The following DPYSL3 variants were observed in gnomAD, a reference collection of about 807,000 sequenced individuals.
DPYSL3 encodes dihydropyrimidinase-related protein 3.
In DPYSL3, 16 loss-of-function variants were observed where a neutral mutation model predicts 66.1. The ratio of observed to expected loss-of-function variants is 0.24; its 90% CI spans 0.16 to 0.37. DPYSL3 has a LOEUF of 0.37. Ranked by LOEUF, DPYSL3 falls within the 10% of genes least tolerant of loss-of-function variation. The pLI is 1.00. For synonymous variants in DPYSL3, 338 were observed against 345.1 expected (o/e 0.98, Z 0.23); for missense variants, 738 against 916.2 (o/e 0.81, Z 2.51).
intron 1 of DPYSL3, among the ~76,000 whole-genome samples, chr5:147,501,991 C>T (rs1753619031): frequency 6.6e-6 from 1 of 152,134 alleles, no homozygotes; most frequent in African/African-American, 2.4e-5. Context: ...TCTGCTCAGG[C>T]TGCTATAACA....
intron 1 of DPYSL3, among the ~76,000 whole-genome samples, chr5:147,452,941 TC>T (rs991723948): frequency 2.0e-5 from 3 of 146,342 alleles, no homozygotes; most frequent in Admixed American, 6.8e-5. Context: ...AGTTGATCAT[TC>T]CCACTGCAGC....
chr5:147,412,565 A>G (rs761448580), intron 6 of DPYSL3, 43 bp downstream of exon 6: 1 of 1,570,028 alleles, frequency 6.4e-7, no homozygotes, highest in South Asian at 1.1e-5. Context: ...AAGAAAATGG[A>G]ATGCAGACCC....
At position 147,509,976 on chromosome 5, in the gene DPYSL3, G is replaced by T; in HGVS notation, c.-118C>A. 3.6e-6 allele frequency: 5 copies of T among 1,401,668 alleles called. No individual in the cohort carries two copies. The South Asian group carries it at 6.0e-5, about 17-fold the overall frequency. The allele number at this position is 1,401,668 out of a possible 1,614,324, so 86.8% of individuals were successfully genotyped here. On this transcript the variant is annotated 5_prime_UTR_variant, in exon 1 of 14. Transcript: ENST00000343218. The surrounding 1 kb of genome is among the most constrained non-coding windows in gnomAD (Gnocchi z 5.3). ...CGGGAGGAGGCGCCTGAGCCTTCGC[G>T]CCAGAGGCGGCAGTGCTGCTCCGAT...
At chr5:147,456,327 C>T (rs905934526) in intron 1 of DPYSL3, among the ~76,000 whole-genome samples, 9 of 152,198 alleles carry the variant, frequency 5.9e-5, no homozygotes, top group African/African-American at 2.2e-4. Context: ...CTTGGATACA[C>T]AGCAGTGCTT....
chr5:147,463,263 A>T (rs1371092377), intron 1 of DPYSL3, among the ~76,000 whole-genome samples: 1 of 152,148 alleles, frequency 6.6e-6, no homozygotes, highest in African/African-American at 2.4e-5. Context: ...AGCTGAAAAT[A>T]GACCATGGCC....
At chr5:147,454,052 G>A (rs1194181214) in intron 1 of DPYSL3, 1 of 153,202 alleles carries the variant, frequency 6.5e-6, no homozygotes, top group Admixed American at 6.5e-5. Context: ...GGGGGCGCGA[G>A]GGGCTTTTCG....
In DPYSL3 at chr5:147,392,099, T is replaced by A. The variant is rs900158149; in HGVS notation, c.*1936A>T. The A allele has an allele frequency of 7.2e-5, 11 of 152,112 alleles. No individual in the cohort carries two copies. The highest frequency in any genetic ancestry group is 2.7e-4 in the African/African-American group (11 of 41,388). 9.4% of individuals were successfully genotyped at this position (152,112 alleles called of 1,614,324 possible). A position where few individuals can be genotyped will look rare whatever the true frequency, so the allele number is the denominator to read the frequency against. ...CAAAGTAACAGCCTAGTCAATGAGG[T>A]ATATGCTTCAGATCTGGCAAACTCT... is the stretch of plus-strand genomic sequence containing the variant. On this transcript the variant is annotated 3_prime_UTR_variant, in exon 14 of 14. Transcript: ENST00000343218.
chr5:147,506,568 G>A (rs1753687593), intron 1 of DPYSL3, among the ~76,000 whole-genome samples: 1 of 152,054 alleles, frequency 6.6e-6, no homozygotes. Flanking sequence ...AAATCAGGAT[G>A]GTAAAATGCT....
intron 1 of DPYSL3, among the ~76,000 whole-genome samples, chr5:147,494,091 G>T (rs1047931216): frequency 2.0e-5 from 3 of 152,144 alleles, no homozygotes; most frequent in Admixed American, 1.3e-4. Flanking sequence ...TACTCGGGAG[G>T]CTGAGGCAGA....
intron 1 of DPYSL3, among the ~76,000 whole-genome samples, chr5:147,436,170 G>C (rs190939028): frequency 1.3e-5 from 2 of 152,208 alleles, no homozygotes; most frequent in African/African-American, 4.8e-5. Flanking sequence ...CACCATACAC[G>C]GAGTATGGAG....
At chr5:147,440,830 A>G (rs1459088565) in intron 1 of DPYSL3, among the ~76,000 whole-genome samples, 3 of 152,204 alleles carry the variant, frequency 2.0e-5, no homozygotes, top group African/African-American at 7.2e-5. Flanking sequence ...TAACCTTCTT[A>G]AAAGGAGATA....
intron 1 of DPYSL3, among the ~76,000 whole-genome samples, chr5:147,473,812 A>G (rs1163465657): frequency 6.6e-6 from 1 of 152,122 alleles, no homozygotes; most frequent in Non-Finnish European, 1.5e-5. Flanking sequence ...ACCTTTCTGA[A>G]TTACTACATG....
intron 1 of DPYSL3, among the ~76,000 whole-genome samples, chr5:147,483,582 C>T (rs1333786748): frequency 1.3e-5 from 2 of 152,092 alleles, no homozygotes; most frequent in African/African-American, 4.8e-5. Flanking sequence ...TTTATTTATT[C>T]AAAAATTGGT....
Position 147,400,850 on chromosome 5 carries a change from G to T in DPYSL3, c.1311-17C>A. 2 of 1,612,124 alleles carry T rather than the reference G, an allele frequency of 1.2e-6. No individual in the cohort carries two copies. Among genetic ancestry groups the T allele is most frequent in the Non-Finnish European group, 1.7e-6 (2 of 1,178,772 alleles). ...AGATCCCCGCTGGCAAAGGAGAAAA[G>T]CTCCACATGAACAGGGGAGATGGCT... On this transcript the variant is annotated splice_polypyrimidine_tract_variant and intron_variant, in intron 9 of 13. Transcript: ENST00000343218.
chr5:147,490,341 A>G (rs905206598), intron 1 of DPYSL3, among the ~76,000 whole-genome samples: 1 of 152,240 alleles, frequency 6.6e-6, no homozygotes, highest in East Asian at 1.9e-4. Flanking sequence ...AAGGTTTACC[A>G]CCTTCTTGCT....
intron 1 of DPYSL3, among the ~76,000 whole-genome samples, chr5:147,488,197 A>G (rs757205148): frequency 8.5e-5 from 13 of 152,230 alleles, no homozygotes; most frequent in Non-Finnish European, 1.0e-4. Flanking sequence ...TCTTTAGTCC[A>G]GAAGGTGAAC....
intron 1 of DPYSL3, among the ~76,000 whole-genome samples, chr5:147,503,181 C>G (rs1296916036): frequency 1.3e-5 from 2 of 152,170 alleles, no homozygotes; most frequent in Non-Finnish European, 2.9e-5. Context: ...CATAGACTTC[C>G]AAGCACTCAC....
intron 6 of DPYSL3, among the ~76,000 whole-genome samples, chr5:147,410,936 G>A (rs191193980): frequency 6.6e-6 from 1 of 152,140 alleles, no homozygotes; most frequent in Non-Finnish European, 1.5e-5. Context: ...AGCAGCGGGA[G>A]GGGAAACCAG....
chr5:147,449,994 C>T (rs868630907), intron 1 of DPYSL3, among the ~76,000 whole-genome samples: 2 of 152,272 alleles, frequency 1.3e-5, no homozygotes, highest in South Asian at 2.1e-4. Flanking sequence ...CCCAGCAGTG[C>T]AGATGGTCTG....
Sources: gnomAD v4.1 joint callset for allele counts (sites outside exome capture counted in the v4.1 genomes callset) on GRCh38, gnomAD v4.1.1 for gene constraint, Gnocchi (gnomAD v3.1) non-coding constraint, MANE v1.5 for transcripts, NCBI Gene and HGNC (gene_info 2026-07-23, HGNC 2026-07-21) for gene names.